RCL1: variants seen among roughly 807,000 people sequenced by gnomAD.
RCL1 encodes the protein RNA terminal phosphate cyclase like 1, also known as RNA 3'-terminal phosphate cyclase-like protein.
In RCL1, 24 loss-of-function variants were observed where a neutral mutation model predicts 42.4. The observed-to-expected ratio is 0.57, with a 90% CI of 0.41 to 0.80. The LOEUF (loss-of-function observed/expected upper bound fraction) is 0.80. Among genes scored for constraint, RCL1 ranks in the 30% least tolerant of loss-of-function variants. The pLI is 0.00. For missense variants in RCL1, 578 were observed against 467.9 expected (o/e 1.24, Z -2.17); for synonymous variants, 228 against 177.3 (o/e 1.29, Z -2.27).
At chr9:4,806,205 A>AT (rs1325652027) in intron 1 of RCL1, among the ~76,000 whole-genome samples, 2 of 151,512 alleles carry the variant, frequency 1.3e-5, no homozygotes, top group African/African-American at 2.4e-5. Flanking sequence ...TGATTTCTTC[A>AT]TTTTTGATAT....
chr9:4,816,385 T>A (rs2130989297), intron 1 of RCL1, among the ~76,000 whole-genome samples: 1 of 152,350 alleles, frequency 6.6e-6, no homozygotes, highest in South Asian at 2.1e-4. Flanking sequence ...ACATTCTCTG[T>A]GAACTTTAAA....
At chr9:4,841,819 G>C (rs1817341549) in intron 6 of RCL1, among the ~76,000 whole-genome samples, 1 of 152,168 alleles carries the variant, frequency 6.6e-6, no homozygotes, top group African/African-American at 2.4e-5. Context: ...ATTTGGTTTA[G>C]TGAAAGCCTT....
chr9:4,808,338 CCTT>C (rs766048833), intron 1 of RCL1, among the ~76,000 whole-genome samples: 2 of 151,968 alleles, frequency 1.3e-5, no homozygotes, highest in Non-Finnish European at 2.9e-5. Flanking sequence ...GACAGGGTCT[CCTT>C]CTTTCATCCA....
At chr9:4,806,633 C>CACACACACACAT (rs869274587) in intron 1 of RCL1, among the ~76,000 whole-genome samples, 3 of 140,970 alleles carry the variant, frequency 2.1e-5, no homozygotes, top group African/African-American at 7.7e-5. Context: ...CACACACACA[C>CACACACACACAT]ATATACTTAC....
chr9:4,851,563 G>C (rs903087785), intron 8 of RCL1, among the ~76,000 whole-genome samples: 1 of 152,200 alleles, frequency 6.6e-6, no homozygotes, highest in African/African-American at 2.4e-5. Context: ...ATAAAAAAGG[G>C]ATGAAATCCA....
At chr9:4,809,685 A>G (rs921633150) in intron 1 of RCL1, among the ~76,000 whole-genome samples, 16 of 152,258 alleles carry the variant, frequency 1.1e-4, no homozygotes, top group Non-Finnish European at 2.2e-4. Flanking sequence ...TCTCTTCATT[A>G]ACTGGCAACA....
intron 3 of RCL1, among the ~76,000 whole-genome samples, chr9:4,830,635 G>A (rs1327243671): frequency 6.6e-6 from 1 of 152,170 alleles, no homozygotes; most frequent in Non-Finnish European, 1.5e-5. Context: ...CCCTCTTAGA[G>A]AAGGAAAAGA....
intron 1 of RCL1, among the ~76,000 whole-genome samples, chr9:4,809,027 C>G (rs1421752060): frequency 1.3e-5 from 2 of 151,600 alleles, no homozygotes; most frequent in African/African-American, 4.8e-5. Flanking sequence ...TCTTCCAGAC[C>G]TTTTTCTATA....
chr9:4,859,376 G>A (rs1818080003), intron 8 of RCL1, among the ~76,000 whole-genome samples: 1 of 152,034 alleles, frequency 6.6e-6, no homozygotes, highest in African/African-American at 2.4e-5. Flanking sequence ...GCACTTTTCA[G>A]GAATAAAATT....
At chr9:4,859,028 C>T (rs569149493) in intron 8 of RCL1, among the ~76,000 whole-genome samples, 2 of 152,254 alleles carry the variant, frequency 1.3e-5, no homozygotes, top group East Asian at 3.9e-4. Flanking sequence ...TGGACATTTC[C>T]TACCAGTTGC....
At chr9:4,836,092 A>C (rs1817119696) in intron 5 of RCL1, among the ~76,000 whole-genome samples, 1 of 152,186 alleles carries the variant, frequency 6.6e-6, no homozygotes, top group African/African-American at 2.4e-5. Context: ...GTGCCTTCAC[A>C]GGGGAGCATC....
intron 1 of RCL1, among the ~76,000 whole-genome samples, chr9:4,819,417 C>G (rs1453825459): frequency 6.6e-6 from 1 of 152,074 alleles, no homozygotes; most frequent in Non-Finnish European, 1.5e-5. Flanking sequence ...GTTTTTTTCC[C>G]CAGGCTTTTT....
intron 8 of RCL1, among the ~76,000 whole-genome samples, chr9:4,852,944 C>G (rs993240655): frequency 1.3e-5 from 2 of 152,040 alleles, no homozygotes; most frequent in African/African-American, 4.8e-5. Context: ...AATCTATATC[C>G]ATTAATTTTA....
chr9:4,812,373 C>G (rs929516506), intron 1 of RCL1, among the ~76,000 whole-genome samples: 10 of 151,622 alleles, frequency 6.6e-5, no homozygotes, highest in East Asian at 1.9e-4. Flanking sequence ...TGAGAGTAGG[C>G]ATCTAGTTCC....
chr9:4,826,773 C>G, intron 2 of RCL1, 85 bp from the exon 3 acceptor site: 1 of 1,213,412 alleles, frequency 8.2e-7, no homozygotes, highest in South Asian at 1.5e-5. Flanking sequence ...GTCAGGCTTT[C>G]CCCTTGGAAC....
intron 5 of RCL1, among the ~76,000 whole-genome samples, chr9:4,838,336 A>G (rs891548510): frequency 6.6e-6 from 1 of 152,216 alleles, no homozygotes; most frequent in African/African-American, 2.4e-5. Context: ...GTGACTACAC[A>G]GTAGTTACCT....
chr9:4,811,624 T>A (rs1189500193), intron 1 of RCL1, among the ~76,000 whole-genome samples: 3 of 152,226 alleles, frequency 2.0e-5, no homozygotes, highest in Admixed American at 6.5e-5. Context: ...TAAACAGTAT[T>A]CCGTTATGTA....
At chr9:4,854,535 G>T (rs1445974184) in intron 8 of RCL1, among the ~76,000 whole-genome samples, 1 of 152,152 alleles carries the variant, frequency 6.6e-6, no homozygotes, top group Non-Finnish European at 1.5e-5. Context: ...CTCTGTTGTG[G>T]TTTGTGCCTG....
intron 1 of RCL1, among the ~76,000 whole-genome samples, chr9:4,802,205 G>A (rs1328706265): frequency 6.6e-6 from 1 of 151,324 alleles, no homozygotes; most frequent in Non-Finnish European, 1.5e-5. Flanking sequence ...GATTATAGGT[G>A]TGAGCCACAG....
Sources: allele counts gnomAD v4.1 joint callset (sites outside exome capture counted in the v4.1 genomes callset), GRCh38; gene constraint gnomAD v4.1.1; transcripts MANE v1.5; gene names NCBI Gene and HGNC (gene_info 2026-07-23, HGNC 2026-07-21).